Variants in ZNF550 observed in about 807,000 individuals in gnomAD.
ZNF550 encodes zinc finger protein 550.
In ZNF550, 42 loss-of-function variants were observed where a neutral mutation model predicts 40.2. The observed-to-expected ratio is 1.05, with a 90% CI of 0.82 to 1.35. The LOEUF (loss-of-function observed/expected upper bound fraction) is 1.35. Ranked by LOEUF, ZNF550 falls within the 40% of genes most tolerant of loss-of-function variation. The pLI is 0.00. For missense variants in ZNF550, 549 were observed against 525.2 expected (o/e 1.05, Z -0.44); for synonymous variants, 223 against 198.6 (o/e 1.12, Z -1.03).
chr19:57,558,014 C>T (rs373269621), intron 1 of ZNF550, among the ~76,000 whole-genome samples: 13 of 152,318 alleles, frequency 8.5e-5, no homozygotes, highest in Admixed American at 2.6e-4. Flanking sequence ...AGGTAAATGT[C>T]GTTATCACTT....
chr19:57,550,066 T>A (rs1467219374), intron 3 of ZNF550, among the ~76,000 whole-genome samples: 1 of 152,208 alleles, frequency 6.6e-6, no homozygotes, highest in Non-Finnish European at 1.5e-5. Flanking sequence ...TTATTTTCAT[T>A]GCTGCGCTGG....
chr19:57,552,305 C>A (rs753826412), intron 3 of ZNF550: 3 of 414,526 alleles, frequency 7.2e-6, no homozygotes, highest in Non-Finnish European at 1.3e-5. Flanking sequence ...ATGCCTAGTT[C>A]TTGTCAAGAC....
upstream of ZNF550, chr19:57,559,875 G>A (rs1365022536): frequency 1.8e-5 from 8 of 446,384 alleles, no homozygotes. Context: ...CCCCTGTGTC[G>A]CGGTCGCCTG....
exon 1 of ZNF550, chr19:57,559,854 C>T (rs983232557): frequency 2.0e-6 from 1 of 505,260 alleles, no homozygotes; most frequent in Non-Finnish European, 3.2e-6. Context: ...CCAGCGAGGC[C>T]GGAAGTCCCG....
exon 4 of ZNF550, chr19:57,546,720 CT>C (rs1168146891): frequency 1.6e-6 from 2 of 1,234,560 alleles, no homozygotes; most frequent in African/African-American, 1.5e-5. Context: ...ACATTTCCCC[CT>C]GGTATGAATC....
intron 2 of ZNF550, chr19:57,555,042 A>G (rs1182190967): frequency 6.6e-6 from 1 of 152,122 alleles, no homozygotes; most frequent in East Asian, 1.9e-4. Context: ...CACCTTCCCA[A>G]CTGAACTCAG....
upstream of ZNF550, among the ~76,000 whole-genome samples, chr19:57,561,158 TTTG>T (rs2090162597): frequency 6.6e-6 from 1 of 152,196 alleles, no homozygotes; most frequent in Admixed American, 6.5e-5. The surrounding 1 kb of genome is among the most constrained non-coding windows in gnomAD (Gnocchi z 4.9). Context: ...CTTGTTTTTA[TTTG>T]TTGTTCGAAT....
intron 2 of ZNF550, chr19:57,553,043 A>C (rs1383810489): frequency 9.2e-6 from 2 of 217,906 alleles, no homozygotes; most frequent in Non-Finnish European, 9.0e-6. Context: ...ACAGAGAGAG[A>C]TCTCTCCTCT....
intron 4 of ZNF550, among the ~76,000 whole-genome samples, chr19:57,545,912 T>C (rs1238854514): frequency 6.6e-6 from 1 of 152,038 alleles, no homozygotes; most frequent in Non-Finnish European, 1.5e-5. Context: ...ACTCAGAAAC[T>C]TGAGGCAAGA....
chr19:57,557,696 C>G (rs2090135018), intron 1 of ZNF550, among the ~76,000 whole-genome samples: 1 of 152,176 alleles, frequency 6.6e-6, no homozygotes. Flanking sequence ...GGCAGGCACC[C>G]TTCACTAAGT....
intron 1 of ZNF550, chr19:57,556,715 G>A (rs1312088339): frequency 4.7e-6 from 1 of 212,516 alleles, no homozygotes; most frequent in Admixed American, 5.2e-5. Context: ...AAGTGTGGGG[G>A]AAAGAAAAAT....
chr19:57,547,542 A>G, exon 4 of ZNF550: 1 of 1,614,108 alleles, frequency 6.2e-7, no homozygotes, highest in African/African-American at 1.3e-5. Flanking sequence ...TCCCACATGC[A>G]TTGCATTCAT....
At chr19:57,552,256 A>G in intron 3 of ZNF550, 2 of 403,092 alleles carry the variant, frequency 5.0e-6, no homozygotes, top group Middle Eastern at 6.2e-4. Flanking sequence ...CACATAGCCA[A>G]ATCACATTTG....
intron 4 of ZNF550, chr19:57,544,723 C>T (rs1327586875): frequency 2.0e-6 from 1 of 511,088 alleles, no homozygotes; most frequent in Non-Finnish European, 2.5e-6. Flanking sequence ...GTGAGGAAAG[C>T]TCAAAGTGAG....
At chr19:57,548,131 G>C in intron 3 of ZNF550, 138 bp from the exon 4 acceptor site, 1 of 815,628 alleles carries the variant, frequency 1.2e-6, no homozygotes, top group Non-Finnish European at 1.9e-6. Context: ...TCTAACCCAG[G>C]TTACCAAATA....
At chr19:57,547,151 G>C (rs1464596041) in exon 4 of ZNF550, 2 of 1,611,382 alleles carry the variant, frequency 1.2e-6, no homozygotes, top group Non-Finnish European at 1.7e-6. Context: ...TCCCCAGTGT[G>C]AATCCGCTGG....
chr19:57,556,306 TC>T lies in ZNF550; in HGVS notation c.78del (p.Trp26Ter). ...GTCCTCTGGGCCAGGTCCAGCTGTC[TC>T]CACTCCTCCCGGGTAAAGGTCACAG... On this transcript the variant is annotated frameshift_variant, in exon 2 of 5. Coordinates refer to ENST00000457177, the Ensembl canonical transcript of ZNF550. LOFTEE classifies it high-confidence loss of function. 6.2e-7 allele frequency: 1 copy of T among 1,614,042 alleles called. No homozygotes were observed. The highest frequency in any genetic ancestry group is 8.5e-7 in the Non-Finnish European group (1 of 1,179,992).
exon 5 of ZNF550, chr19:57,542,802 C>T (rs930169204): frequency 6.6e-6 from 1 of 152,132 alleles, no homozygotes; most frequent in African/African-American, 2.4e-5. Context: ...ATCGTCTTCC[C>T]TCTGTACATC....
intron 4 of ZNF550, chr19:57,543,906 C>G (rs1021258458): frequency 2.1e-6 from 2 of 949,214 alleles, no homozygotes; most frequent in African/African-American, 3.5e-5. Flanking sequence ...CCACTGCACT[C>G]CAGCCTGGGC....
Sources: gnomAD v4.1 joint callset for allele counts (sites outside exome capture counted in the v4.1 genomes callset) on GRCh38, gnomAD v4.1.1 for gene constraint, Gnocchi (gnomAD v3.1) non-coding constraint, MANE v1.5 for transcripts, NCBI Gene and HGNC (gene_info 2026-07-23, HGNC 2026-07-21) for gene names.